Variants in TAS1R3 observed in about 807,000 individuals in gnomAD.
TAS1R3 encodes taste 1 receptor member 3, also known as taste receptor type 1 member 3.
Under a neutral mutation model 46.1 loss-of-function variants are expected in TAS1R3, and 58 were observed. The observed-to-expected ratio is 1.26, with a 90% CI of 1.02 to 1.57. The LOEUF (loss-of-function observed/expected upper bound fraction) is 1.57. Among genes scored for constraint, TAS1R3 ranks in the 40% most tolerant of loss-of-function variants. TAS1R3 has a pLI of 0.00. For synonymous variants in TAS1R3, 724 were observed against 544.7 expected (o/e 1.33, Z -4.58); for missense variants, 1,422 against 1,185.8 (o/e 1.20, Z -2.93).
chr1:1,333,344 T>TGGACTGCGA lies in TAS1R3; in HGVS notation c.1568_1576dup (p.Asp523_Glu525dup). The TGGACTGCGA allele has an allele frequency of 4.3e-6, 7 of 1,609,848 alleles. No homozygotes were observed. Among genetic ancestry groups the TGGACTGCGA allele is most frequent in the Non-Finnish European group, 5.1e-6 (6 of 1,178,774 alleles). On this transcript the variant is annotated inframe_insertion, in exon 5 of 6. Transcript: ENST00000339381. ...TTCCACTCCTGCTGCTACGACTGTG[T>TGGACTGCGA]GGACTGCGAGGCGGGCAGCTACCGG...
rs150371886 is a variant in TAS1R3, at chr1:1,334,416, C to G, written c.2511C>G (p.Ala837=). The G allele has an allele frequency of 1.3e-3, 2,050 of 1,602,418 alleles. 4 individuals are homozygous for G. The highest frequency in any genetic ancestry group is 1.6e-3 in the Non-Finnish European group (1,849 of 1,173,922). The part of the protein sequence containing the change: ...EFFLGGGPGD[A]QGQNDGNTGN... ...TCCTGGGAGGGGGCCCTGGGGATGC[C>G]CAAGGCCAGAATGACGGGAACACAG... The change falls in exon 6 of 6, where the codon GCC becomes GCG. Residue 837 remains alanine (A), a synonymous_variant. Transcript: ENST00000339381.
Position 1,332,740 on chromosome 1 carries a change from C to A in TAS1R3, c.1209C>A (p.Ala403=). Residue 403 remains alanine, a synonymous_variant, in exon 3 of 6, where the codon GCC becomes GCA. Transcript: ENST00000339381. The part of the protein sequence containing the change: ...VYAAVYSVAQ[A]LHNTLQCNAS... Reference sequence around the variant, plus strand: ...CAGCTGTGTATAGCGTGGCCCAGGCCCTGCACAACACTCTTCAGTGCAACG... The same window carrying A: ...CAGCTGTGTATAGCGTGGCCCAGGCACTGCACAACACTCTTCAGTGCAACG... 1 of 1,605,166 alleles carries A rather than the reference C, an allele frequency of 6.2e-7. No homozygotes were observed. Among genetic ancestry groups the A allele is most frequent in the South Asian group, 1.1e-5 (1 of 91,070 alleles).
At position 1,332,098 on chromosome 1, in the gene TAS1R3, C is replaced by T. The variant is rs141814265; in HGVS notation, c.567C>T (p.Ser189=). ...CCTCCTTCTTCCGCACCGTGCCCAG[C>T]GACCGTGTGCAGCTGACGGCCGCCG... ...TFPSFFRTVP[S]DRVQLTAAAE... The change falls in exon 3 of 6, where the codon AGC becomes AGT. Residue 189 remains serine (S), a synonymous_variant. Coordinates refer to ENST00000339381, the MANE Select transcript of TAS1R3 (RefSeq NM_152228.3). The T allele has an allele frequency of 1.2e-5, 19 of 1,600,814 alleles. No individual in the cohort carries two copies. The highest frequency in any genetic ancestry group is 5.5e-5 in the South Asian group (5 of 91,084).
Position 1,334,456 on chromosome 1 carries a change from C to T in TAS1R3, c.2551C>T (p.His851Tyr), listed in dbSNP as rs759569168. ...CGGGAACACAGGAAATCAGGGGAAA[C>T]ATGAGTGACCCAACCCTGTGATCTC... ...NDGNTGNQGK[H>Y]E The change falls in exon 6 of 6, where the codon CAT becomes TAT. Residue 851 changes from histidine to tyrosine, a missense_variant. By Grantham distance (83) the His-to-Tyr change is moderately conservative. Coordinates refer to ENST00000339381, the MANE Select transcript of TAS1R3 (RefSeq NM_152228.3). 4 of 1,561,992 alleles carry T rather than the reference C, an allele frequency of 2.6e-6. No homozygotes were observed. The highest frequency in any genetic ancestry group is 8.7e-7 in the Non-Finnish European group (1 of 1,151,546).
chr1:1,334,044 G>A lies in TAS1R3; in HGVS notation c.2139G>A (p.Met713Ile). Residue 713 changes from methionine (M) to isoleucine (I), a missense_variant, in exon 6 of 6, where the codon ATG (methionine) becomes ATA (isoleucine). Coordinates refer to ENST00000339381, the MANE Select transcript of TAS1R3 (RefSeq NM_152228.3). The stretch of plus-strand genomic sequence containing the variant: ...CGGAGGTGGTGACGGACTGGCACAT[G>A]CTGCCCACGGAGGCGCTGGTGCACT... ...FPPEVVTDWHMLPTEALVHCR... is the reference protein window; with the variant it reads ...FPPEVVTDWHILPTEALVHCR... 5 of 1,601,514 alleles carry A rather than the reference G, an allele frequency of 3.1e-6. No individual in the cohort carries two copies. The highest frequency in any genetic ancestry group is 1.3e-5 in the African/African-American group (1 of 74,974).
At position 1,332,375 on chromosome 1, in the gene TAS1R3, G is replaced by C; in HGVS notation, c.844G>C (p.Ala282Pro). Residue 282 changes from alanine (A) to proline (P), a missense_variant, in exon 3 of 6, where the codon GCC (alanine) becomes CCC (proline). By Grantham distance (27) the Ala-to-Pro change is conservative (BLOSUM62 -1). Transcript: ENST00000339381. ...LLFASVHAAH[A>P]LFNYSISSRL... ...GTTCGCCTCCGTGCACGCCGCCCAC[G>C]CCCTCTTCAACTACAGCATCAGCAG... 6.3e-7 allele frequency: 1 copy of C among 1,597,990 alleles called. No homozygotes were observed. The highest frequency in any genetic ancestry group is 1.1e-5 in the South Asian group (1 of 89,510).
rs367757458 is a variant in TAS1R3 at position 1,333,717 on chromosome 1, G to A, written c.1812G>A (p.Gly604=). Residue 604 remains glycine (G), a synonymous_variant, in exon 6 of 6, where the codon GGG becomes GGA. Coordinates refer to ENST00000339381, the MANE Select transcript of TAS1R3 (RefSeq NM_152228.3). ...RDSPLVQASG[G]PLACFGLVCL... ...GCCCACTGGTTCAGGCCTCGGGGGG[G>A]CCCCTGGCCTGCTTTGGCCTGGTGT... 21 of 1,608,310 alleles carry A rather than the reference G, an allele frequency of 1.3e-5. No individual in the cohort carries two copies. The African/African-American group carries it at 2.1e-4, about 16-fold the overall frequency.
rs1407024787 is a variant in TAS1R3 at position 1,333,910 on chromosome 1, G to A, written c.2005G>A (p.Ala669Thr). The stretch of plus-strand genomic sequence containing the variant: ...GGAGTCAGAACTGCCTCTGAGCTGG[G>A]CAGACCGGCTGAGTGGCTGCCTGCG... ...FVESELPLSW[A>T]DRLSGCLRGP... Residue 669 changes from alanine to threonine, a missense_variant, in exon 6 of 6, where the codon GCA becomes ACA. Physicochemically the swap from Ala to Thr is moderately conservative, Grantham distance 58 (BLOSUM62 0). Coordinates refer to ENST00000339381, the MANE Select transcript of TAS1R3 (RefSeq NM_152228.3). The A allele has an allele frequency of 1.2e-6, 2 of 1,600,974 alleles. No individual in the cohort carries two copies. The highest frequency in any genetic ancestry group is 2.2e-5 in the East Asian group (1 of 44,880).
rs1171352758 is a variant in TAS1R3, at chr1:1,333,820, T to C, written c.1915T>C (p.Leu639=). ...SPARCLAQQP[L]SHLPLTGCLS... is the part of the protein sequence containing the mutation. ...TGCCCGATGCCTGGCCCAGCAGCCC[T>C]TGTCCCACCTCCCGCTCACGGGCTG... Residue 639 remains leucine, a synonymous_variant, in exon 6 of 6, where the codon TTG becomes CTG. Transcript: ENST00000339381. 1.9e-6 allele frequency: 3 copies of C among 1,599,452 alleles called. No individual in the cohort carries two copies. The highest frequency in any genetic ancestry group is 2.5e-6 in the Non-Finnish European group (3 of 1,178,898).
In TAS1R3 at chr1:1,332,511, G is replaced by C. The variant is rs1643452188; in HGVS notation, c.980G>C (p.Arg327Thr). The C allele has an allele frequency of 6.2e-7, 1 of 1,611,182 alleles. No homozygotes were observed. Among genetic ancestry groups the C allele is most frequent in the African/African-American group, 1.3e-5 (1 of 74,924 alleles). The change falls in exon 3 of 6, where the codon AGG becomes ACG. Residue 327 changes from arginine (R) to threonine (T), a missense_variant. Coordinates refer to ENST00000339381, the MANE Select transcript of TAS1R3 (RefSeq NM_152228.3). ...QMGTVLGFLQRGAQLHEFPQY... is the reference protein window; with the variant it reads ...QMGTVLGFLQTGAQLHEFPQY... ...GGCACGGTGCTTGGCTTCCTCCAGA[G>C]GGGTGCCCAGCTGCACGAGTTCCCC...
chr1:1,332,268 C>A lies in TAS1R3; in HGVS notation c.737C>A (p.Pro246His). ...GCGCACGAGGGCCTGGTGCCGCTGC[C>A]CCGTGCCGATGACTCGCGGCTGGGG... ...CIAHEGLVPL[P>H]RADDSRLGKV... The change falls in exon 3 of 6, where the codon CCC becomes CAC. Residue 246 changes from proline (P) to histidine (H), a missense_variant. By Grantham distance (77) the Pro-to-His change is moderately conservative. Coordinates refer to ENST00000339381, the MANE Select transcript of TAS1R3 (RefSeq NM_152228.3). 3 of 1,601,002 alleles carry A rather than the reference C, an allele frequency of 1.9e-6. No homozygotes were observed. Among genetic ancestry groups the A allele is most frequent in the Non-Finnish European group, 2.5e-6 (3 of 1,177,850 alleles).
Position 1,334,370 on chromosome 1 carries a change from G to A in TAS1R3, c.2465G>A (p.Gly822Glu). The change falls in exon 6 of 6, where the codon GGG becomes GAG. Residue 822 changes from glycine (G) to glutamate (E), a missense_variant. Transcript: ENST00000339381. Reference sequence around the variant, plus strand: ...TGTTACCTGCTCATGCGGCAGCCAGGGCTCAACACCCCCGAGTTCTTCCTG... The same window carrying A: ...TGTTACCTGCTCATGCGGCAGCCAGAGCTCAACACCCCCGAGTTCTTCCTG... ...PRCYLLMRQPGLNTPEFFLGG... is the reference protein window; with the variant it reads ...PRCYLLMRQPELNTPEFFLGG... 1.2e-6 allele frequency: 2 copies of A among 1,610,894 alleles called. No homozygotes were observed. Among genetic ancestry groups the A allele is most frequent in the Non-Finnish European group, 1.7e-6 (2 of 1,179,052 alleles).
rs1643511175 is a variant in TAS1R3, at chr1:1,334,440, A to G, written c.2535A>G (p.Thr845=). The change falls in exon 6 of 6, where the codon ACA becomes ACG. Residue 845 remains threonine (T), a synonymous_variant. Coordinates refer to ENST00000339381, the MANE Select transcript of TAS1R3 (RefSeq NM_152228.3). ...GDAQGQNDGN[T]GNQGKHE ...CCCAAGGCCAGAATGACGGGAACACAGGAAATCAGGGGAAACATGAGTGAC... is the reference window on the plus strand; with the variant it reads ...CCCAAGGCCAGAATGACGGGAACACGGGAAATCAGGGGAAACATGAGTGAC... The G allele has an allele frequency of 6.3e-7, 1 of 1,583,098 alleles. No homozygotes were observed. Among genetic ancestry groups the G allele is most frequent in the Non-Finnish European group, 8.6e-7 (1 of 1,162,098 alleles).
rs751985178 is a variant in TAS1R3, at chr1:1,334,060, C to T, written c.2155C>T (p.Leu719=). The change falls in exon 6 of 6, where the codon CTG becomes TTG. Residue 719 remains leucine, a synonymous_variant. Transcript: ENST00000339381. The part of the protein sequence containing the change: ...TDWHMLPTEA[L]VHCRTRSWVS... ...CTGGCACATGCTGCCCACGGAGGCGCTGGTGCACTGCCGCACACGCTCCTG... is the reference window on the plus strand; with the variant it reads ...CTGGCACATGCTGCCCACGGAGGCGTTGGTGCACTGCCGCACACGCTCCTG... The T allele has an allele frequency of 6.2e-7, 1 of 1,600,322 alleles. No homozygotes were observed. The highest frequency in any genetic ancestry group is 1.3e-5 in the African/African-American group (1 of 74,934).
chr1:1,333,848 T>C lies in TAS1R3; in HGVS notation c.1943T>C (p.Leu648Pro), dbSNP rs759466029. Reference protein sequence around the residue: ...PLSHLPLTGCLSTLFLQAAEI... With the variant: ...PLSHLPLTGCPSTLFLQAAEI... Reference sequence around the variant, plus strand: ...TCCCACCTCCCGCTCACGGGCTGCCTGAGCACACTCTTCCTGCAGGCGGCC... The same window carrying C: ...TCCCACCTCCCGCTCACGGGCTGCCCGAGCACACTCTTCCTGCAGGCGGCC... Residue 648 changes from leucine (L) to proline (P), a missense_variant, in exon 6 of 6, where the codon CTG (leucine) becomes CCG (proline). By Grantham distance (98) the Leu-to-Pro change is moderately conservative. Coordinates refer to ENST00000339381, the MANE Select transcript of TAS1R3 (RefSeq NM_152228.3). 1 of 1,600,666 alleles carries C rather than the reference T, an allele frequency of 6.2e-7. No individual in the cohort carries two copies. Among genetic ancestry groups the C allele is most frequent in the Non-Finnish European group, 8.5e-7 (1 of 1,179,770 alleles).
chr1:1,331,571 G>A (rs1405139542), intron 1 of TAS1R3, 35 bp downstream of exon 1: 3 of 1,602,206 alleles, frequency 1.9e-6, no homozygotes, highest in Admixed American at 1.7e-5. Context: ...CGGGGTCAGG[G>A]TGACCAGGTC....
chr1:1,331,757 C>T lies in TAS1R3; in HGVS notation c.311C>T (p.Ser104Leu), dbSNP rs138687954. Reference sequence around the variant, plus strand: ...GGCTACGACCTCTTTGATACGTGCTCGGAGCCTGTGGTGGCCATGAAGCCC... The same window carrying T: ...GGCTACGACCTCTTTGATACGTGCTTGGAGCCTGTGGTGGCCATGAAGCCC... ...RLGYDLFDTC[S>L]EPVVAMKPSL... The change falls in exon 2 of 6, where the codon TCG becomes TTG. Residue 104 changes from serine to leucine, a missense_variant. Transcript: ENST00000339381. The T allele has an allele frequency of 1.1e-4, 182 of 1,612,810 alleles. No homozygotes were observed. Among genetic ancestry groups the T allele is most frequent in the Middle Eastern group, 1.6e-4 (1 of 6,084 alleles).
chr1:1,334,627 T>A lies in TAS1R3; in HGVS notation c.*163T>A, dbSNP rs1056389752. 1.0e-5 allele frequency: 8 copies of A among 766,234 alleles called. No homozygotes were observed. In the African/African-American group the frequency reaches 1.2e-4, roughly 12 times the overall value. 47.5% of individuals were successfully genotyped at this position (766,234 alleles called of 1,614,324 possible). ...CAGTGAGCCCTAGGCCTGGAGCACG[T>A]GGACACCCCTGTGACCATCTGGGCC... On this transcript the variant is annotated 3_prime_UTR_variant, in exon 6 of 6. Transcript: ENST00000339381.
rs2100696101 is a variant in TAS1R3 at position 1,334,703 on chromosome 1, A to G, written c.*239A>G. ...CTCTGTGCCCAGACCAGGCCTGCCC[A>G]GGTAACCCAGACCCACTGTTCTGGA... On this transcript the variant is annotated 3_prime_UTR_variant, in exon 6 of 6. Coordinates refer to ENST00000339381, the MANE Select transcript of TAS1R3 (RefSeq NM_152228.3). The G allele has an allele frequency of 7.8e-6, 4 of 510,736 alleles. No homozygotes were observed. In the East Asian group the frequency reaches 1.3e-4, roughly 16 times the overall value. The allele number at this position is 510,736 out of a possible 1,614,324, so 31.6% of individuals were successfully genotyped here. A position where few individuals can be genotyped will look rare whatever the true frequency, so the allele number is the denominator to read the frequency against.
Sources: gnomAD v4.1 joint callset for allele counts on GRCh38, gnomAD v4.1.1 for gene constraint, MANE v1.5 for transcripts, NCBI Gene and HGNC (gene_info 2026-07-23, HGNC 2026-07-21) for gene names.